CSMD2: variants seen among roughly 807,000 people sequenced by gnomAD.
CSMD2 encodes CUB and sushi domain-containing protein 2.
In CSMD2, 130 loss-of-function variants were observed where a neutral mutation model predicts 398.5. The observed-to-expected ratio is 0.33, with a 90% CI of 0.28 to 0.38. CSMD2 has a LOEUF of 0.38. Ranked by LOEUF, CSMD2 falls within the 10% of genes least tolerant of loss-of-function variation. The pLI is 1.00. For synonymous variants in CSMD2, 1,828 were observed against 1,908.5 expected, an observed-to-expected ratio of 0.96 and a Z score of 1.10; for missense variants, 3,829 against 4,764.9, an observed-to-expected ratio of 0.80 and a Z score of 5.78.
chr1:33,561,772 C>T (rs749852207), intron 53 of CSMD2, among the ~76,000 whole-genome samples: 12 of 152,228 alleles, frequency 7.9e-5, no homozygotes, highest in Middle Eastern at 3.4e-3. Context: ...AGTAGGGCTT[C>T]GCCAGGTCAA....
At chr1:33,652,099 A>G (rs1431465092) in intron 28 of CSMD2, among the ~76,000 whole-genome samples, 1 of 152,178 alleles carries the variant, frequency 6.6e-6, no homozygotes, top group East Asian at 1.9e-4. Context: ...CTTCCTCACA[A>G]ATTACTACAA....
intron 53 of CSMD2, 101 bp downstream of exon 53, chr1:33,567,492 T>C: frequency 1.3e-6 from 1 of 775,168 alleles, no homozygotes; most frequent in South Asian, 2.4e-5. Flanking sequence ...TATATATATA[T>C]ATATTTAAAA....
At chr1:34,021,846 G>T (rs1648933194) in intron 3 of CSMD2, among the ~76,000 whole-genome samples, 1 of 152,200 alleles carries the variant, frequency 6.6e-6, no homozygotes, top group African/African-American at 2.4e-5. Context: ...CTAAGGGGTG[G>T]TTAGGAGCAA....
chr1:33,943,965 G>T (rs147583828), intron 3 of CSMD2, among the ~76,000 whole-genome samples: 2,520 of 146,136 alleles, frequency 0.017, 23 homozygotes, highest in Non-Finnish European at 0.027. Flanking sequence ...CACACACGAA[G>T]CAATAAATAG....
intron 64 of CSMD2, among the ~76,000 whole-genome samples, chr1:33,528,576 G>A (rs1397744885): frequency 6.6e-6 from 1 of 152,182 alleles, no homozygotes; most frequent in African/African-American, 2.4e-5. Flanking sequence ...GAGCAAAGAA[G>A]GAGAAAGCAT....
intron 51 of CSMD2, 121 bp downstream of exon 51, chr1:33,571,411 G>T: frequency 1.6e-6 from 1 of 639,086 alleles, no homozygotes; most frequent in Non-Finnish European, 2.3e-6. Context: ...AGTTTAAAAA[G>T]CAGTACACTG....
At chr1:34,039,660 T>A (rs2625685) in intron 2 of CSMD2, among the ~76,000 whole-genome samples, 106,705 of 152,046 alleles carry the variant, frequency 0.7, 37,747 homozygotes, top group East Asian at 0.8. Flanking sequence ...GGAGCCTGGG[T>A]AAATGTGGGC....
chr1:34,092,190 T>A (rs1283622250), intron 1 of CSMD2, among the ~76,000 whole-genome samples: 2 of 152,148 alleles, frequency 1.3e-5, no homozygotes, highest in Non-Finnish European at 2.9e-5. Flanking sequence ...AAATGACTTT[T>A]ACAGAGGGAT....
intron 2 of CSMD2, among the ~76,000 whole-genome samples, chr1:34,055,702 C>T (rs1653754290): frequency 1.3e-5 from 2 of 152,318 alleles, no homozygotes; most frequent in South Asian, 4.1e-4. Context: ...TCTCCAGGAA[C>T]CTCCATGTGT....
intron 3 of CSMD2, among the ~76,000 whole-genome samples, chr1:33,964,359 A>G (rs1645480966): frequency 6.6e-6 from 1 of 152,236 alleles, no homozygotes; most frequent in South Asian, 2.1e-4. Context: ...CCCCTGGCAC[A>G]TGATCAGCAT....
At chr1:34,046,809 T>C (rs1652568822) in intron 2 of CSMD2, among the ~76,000 whole-genome samples, 1 of 152,170 alleles carries the variant, frequency 6.6e-6, no homozygotes, top group African/African-American at 2.4e-5. Flanking sequence ...TAAAAATGCC[T>C]AAGACGTGGA....
chr1:33,958,222 CCT>C (rs1268908434), intron 3 of CSMD2, among the ~76,000 whole-genome samples: 2 of 152,270 alleles, frequency 1.3e-5, no homozygotes, highest in Admixed American at 6.5e-5. Flanking sequence ...TTACTTACCC[CCT>C]CTCTGCCTCA....
intron 3 of CSMD2, among the ~76,000 whole-genome samples, chr1:34,009,617 C>A (rs922432322): frequency 6.6e-6 from 1 of 152,024 alleles, no homozygotes; most frequent in Non-Finnish European, 1.5e-5. Flanking sequence ...CTGCCCTCCC[C>A]ACTGAAACTG....
chr1:33,817,459 G>A (rs956330195), intron 9 of CSMD2, among the ~76,000 whole-genome samples: 6 of 152,104 alleles, frequency 3.9e-5, no homozygotes, highest in South Asian at 2.1e-4. Context: ...GAAGGAACCC[G>A]CCCAGGGCCA....
intron 26 of CSMD2, among the ~76,000 whole-genome samples, chr1:33,658,682 C>A (rs1001401186): frequency 6.6e-6 from 1 of 151,976 alleles, no homozygotes; most frequent in African/African-American, 2.4e-5. Flanking sequence ...AGCAACACAG[C>A]AAGACCCTGA....
intron 1 of CSMD2, among the ~76,000 whole-genome samples, chr1:34,105,758 G>A (rs955714237): frequency 6.6e-6 from 1 of 152,146 alleles, no homozygotes; most frequent in Non-Finnish European, 1.5e-5. Context: ...ATCTAGCAGT[G>A]GGCCTGATAC....
At chr1:33,884,843 T>G (rs918262558) in intron 5 of CSMD2, 2 of 152,296 alleles carry the variant, frequency 1.3e-5, no homozygotes, top group Non-Finnish European at 2.9e-5. Flanking sequence ...AAGCTAAGAA[T>G]TCCCCCTTTG....
chr1:33,724,416 T>C, intron 18 of CSMD2, 100 bp downstream of exon 18: 1 of 1,529,162 alleles, frequency 6.5e-7, no homozygotes, highest in Admixed American at 1.8e-5. Flanking sequence ...AGCCCAACCT[T>C]CGCTGATGGG....
chr1:33,758,138 C>T (rs1480384946), intron 13 of CSMD2, among the ~76,000 whole-genome samples: 1 of 152,230 alleles, frequency 6.6e-6, no homozygotes, highest in Admixed American at 6.5e-5. Context: ...TCCCCACCCT[C>T]CCCTATTGCA....
Sources: allele counts gnomAD v4.1 joint callset (sites outside exome capture counted in the v4.1 genomes callset), GRCh38; gene constraint gnomAD v4.1.1; transcripts MANE v1.5; gene names NCBI Gene and HGNC (gene_info 2026-07-23, HGNC 2026-07-21).